ASB4: variants seen among roughly 807,000 people sequenced by gnomAD.
The protein encoded by ASB4 is ankyrin repeat and SOCS box containing 4.
Under a neutral mutation model 38.6 loss-of-function variants are expected in ASB4, and 35 were observed. That is an observed-to-expected ratio of 0.91 (90% CI 0.69 to 1.20). ASB4 has a LOEUF of 1.20. ASB4 is among the 50% of genes most tolerant of loss of function. The probability of loss-of-function intolerance (pLI) is 0.00; values close to 1 mark genes in which losing one functional copy is unlikely to be tolerated. For missense variants in ASB4, 557 were observed against 527.2 expected, an observed-to-expected ratio of 1.06 and a Z score of -0.55; for synonymous variants, 195 against 201.3, an observed-to-expected ratio of 0.97 and a Z score of 0.26.
chr7:95,509,476 A>G (rs1790452560), intron 2 of ASB4, among the ~76,000 whole-genome samples: 1 of 152,236 alleles, frequency 6.6e-6, no homozygotes, highest in South Asian at 2.1e-4. Flanking sequence ...TAGCTTCTGA[A>G]TAAATGCAAC....
At chr7:95,549,530 T>C in the ASB4 span, among the ~76,000 whole-genome samples, 1 of 151,956 alleles carries the variant, frequency 6.6e-6, no homozygotes, top group Non-Finnish European at 1.5e-5. Flanking sequence ...ATCTCCTGAC[T>C]TCGTGATCCG....
rs760591550 is a variant in ASB4 at position 95,537,736 on chromosome 7, G to C, written c.1258G>C (p.Glu420Gln). The change falls in exon 5 of 5, where the codon GAG (glutamate) becomes CAG (glutamine). Residue 420 changes from glutamate (E) to glutamine (Q), a missense_variant. Glu to Gln is a conservative substitution (Grantham distance 29). Transcript: ENST00000325885. ...GTCATTGAAAAAGTACTTGCTTTTA[G>C]AGCCAGAGGGAATTATTTATTAAGC... ...PLSLKKYLLL[E>Q]PEGIIY The C allele has an allele frequency of 1.2e-6, 2 of 1,613,656 alleles. No individual in the cohort carries two copies. Among genetic ancestry groups the C allele is most frequent in the Admixed American group, 3.3e-5 (2 of 59,980 alleles).
At chr7:95,493,816 T>C (rs1790208292) in intron 1 of ASB4, among the ~76,000 whole-genome samples, 1 of 152,176 alleles carries the variant, frequency 6.6e-6, no homozygotes, top group African/African-American at 2.4e-5. Context: ...CATTCAGTAA[T>C]ATATCTTGAG....
At chr7:95,477,213 A>G (rs1180352767), upstream of ASB4, among the ~76,000 whole-genome samples, 2 of 152,068 alleles carry the variant, frequency 1.3e-5, no homozygotes, top group Admixed American at 6.6e-5. Flanking sequence ...AAAGACAACT[A>G]GCAGCACGGT....
intron 3 of ASB4, among the ~76,000 whole-genome samples, chr7:95,529,280 G>C (rs760669595): frequency 1.3e-5 from 2 of 152,132 alleles, no homozygotes; most frequent in African/African-American, 2.4e-5. Context: ...CTATACTTAG[G>C]TTTCCCCCTT....
At chr7:95,548,961 CAGGT>C in the ASB4 span, among the ~76,000 whole-genome samples, 2 of 152,122 alleles carry the variant, frequency 1.3e-5, no homozygotes, top group Non-Finnish European at 2.9e-5. Flanking sequence ...TAGGATCTCA[CAGGT>C]AATTAAAGGT....
the ASB4 span, among the ~76,000 whole-genome samples, chr7:95,547,243 A>G: frequency 6.6e-6 from 1 of 152,196 alleles, no homozygotes; most frequent in Non-Finnish European, 1.5e-5. Flanking sequence ...GTCAAGGTAA[A>G]CAATACATTT....
chr7:95,502,400 G>A (rs111964010), intron 2 of ASB4, among the ~76,000 whole-genome samples: 3 of 149,328 alleles, frequency 2.0e-5, no homozygotes, highest in Admixed American at 6.7e-5. Context: ...GCGGGGGGGG[G>A]GCAAATTGAT....
chr7:95,471,880 T>TTTTTTTTTTTTTTTGTG, the ASB4 span: 1 of 150,706 alleles, frequency 6.6e-6, no homozygotes. Context: ...CTGCTTTTTT[T>TTTTTTTTTTTTTTTGTG]AACAGATGAA....
At chr7:95,544,391 G>A (rs1297159133), downstream of ASB4, 1 of 152,164 alleles carries the variant, frequency 6.6e-6, no homozygotes, top group African/African-American at 2.4e-5. Flanking sequence ...GGTCTCTTAG[G>A]ATGATCCATC....
intron 1 of ASB4, among the ~76,000 whole-genome samples, chr7:95,489,361 T>C (rs1790138163): frequency 6.6e-6 from 1 of 152,208 alleles, no homozygotes; most frequent in Non-Finnish European, 1.5e-5. Context: ...TAGCTTCTCT[T>C]ACCAATTTGG....
intron 1 of ASB4, among the ~76,000 whole-genome samples, chr7:95,480,307 A>G (rs1790012060): frequency 6.6e-6 from 1 of 152,172 alleles, no homozygotes. Context: ...CCATAAAGGT[A>G]AAGATTTTAA....
chr7:95,484,900 C>T (rs759982680), upstream of ASB4, among the ~76,000 whole-genome samples: 30 of 151,580 alleles, frequency 2.0e-4, no homozygotes, highest in Non-Finnish European at 3.8e-4. Flanking sequence ...ACTAGATTCA[C>T]CAAGTCTTTA....
At chr7:95,510,943 C>T (rs1407322395) in intron 2 of ASB4, among the ~76,000 whole-genome samples, 1 of 152,110 alleles carries the variant, frequency 6.6e-6, no homozygotes, top group African/African-American at 2.4e-5. Flanking sequence ...GCTTATTATC[C>T]TCTGAACATT....
At chr7:95,500,717 T>C (rs558254765) in intron 2 of ASB4, among the ~76,000 whole-genome samples, 1 of 152,240 alleles carries the variant, frequency 6.6e-6, no homozygotes, top group East Asian at 1.9e-4. Context: ...CTGGATTTCA[T>C]CTCATCTCAA....
At chr7:95,495,634 C>T in intron 1 of ASB4, 124 bp from the exon 2 acceptor site, 1 of 920,770 alleles carries the variant, frequency 1.1e-6, no homozygotes, top group Non-Finnish European at 1.6e-6. Context: ...CTCTGTCATC[C>T]CCTCTCCACC....
rs116318733 is a variant in ASB4 at position 95,509,365 on chromosome 7, G to C, written c.487+13308G>C. 4.3e-3 allele frequency among the ~76,000 whole-genome samples: 648 copies of C among 152,240 alleles called. 4 individuals are homozygous for C. The highest frequency in any genetic ancestry group is 0.015 in the African/African-American group (611 of 41,540). ...CAGAGTTAAGCATCCCACATCCGTT[G>C]TTTGAGCTTGGAACACAGCAAAGCT... On this transcript the variant is annotated intron_variant, in intron 2 of 4. Coordinates refer to ENST00000325885, the MANE Select transcript of ASB4 (RefSeq NM_016116.3).
intron 2 of ASB4, among the ~76,000 whole-genome samples, chr7:95,517,661 G>A (rs756877200): frequency 5.3e-5 from 8 of 152,128 alleles, no homozygotes; most frequent in Non-Finnish European, 1.0e-4. Flanking sequence ...GTAGAGAGGT[G>A]TGGTAACTGG....
At chr7:95,504,953 A>G (rs1040041665) in intron 2 of ASB4, among the ~76,000 whole-genome samples, 1 of 152,212 alleles carries the variant, frequency 6.6e-6, no homozygotes, top group East Asian at 1.9e-4. Context: ...TCCACGAAAA[A>G]TCATACCACA....
Sources: gnomAD v4.1 joint callset for allele counts (sites outside exome capture counted in the v4.1 genomes callset) on GRCh38, gnomAD v4.1.1 for gene constraint, MANE v1.5 for transcripts, NCBI Gene and HGNC (gene_info 2026-07-23, HGNC 2026-07-21) for gene names.